Variants in MALRD1 observed in about 807,000 individuals in gnomAD.
MALRD1 encodes MAM and LDL receptor class A domain containing 1.
In MALRD1, 247 loss-of-function variants were observed where a neutral mutation model predicts 242.1. The ratio of observed to expected loss-of-function variants is 1.02; its 90% CI spans 0.92 to 1.13. The LOEUF is 1.13. Among genes scored for constraint, MALRD1 ranks in the 50% most tolerant of loss-of-function variants. The pLI, the probability that MALRD1 is intolerant of heterozygous loss-of-function variation, is 0.00. For missense variants in MALRD1, 2,989 were observed against 2,533.1 expected, an observed-to-expected ratio of 1.18 and a Z score of -3.86; for synonymous variants, 995 against 866.6, an observed-to-expected ratio of 1.15 and a Z score of -2.60.
rs1588694784 is a variant in MALRD1, at chr10:19,204,927, C to A, written c.2240C>A (p.Ala747Glu). The A allele has an allele frequency of 1.3e-6, 2 of 1,549,714 alleles. No individual in the cohort carries two copies. The highest frequency in any genetic ancestry group is 2.7e-5 in the African/African-American group (2 of 73,126). ...TATAACTATGGCCTGTCAGTGGGAG[C>A]AGCTGAGCTGCAGCTACATATGGAA... ...WFYNYGLSVGAAELQLHMENS... is the reference protein window; with the variant it reads ...WFYNYGLSVGEAELQLHMENS... The change falls in exon 17 of 40, where the codon GCA becomes GAA. Residue 747 changes from alanine (A) to glutamate (E), a missense_variant. By Grantham distance (107) the Ala-to-Glu change is moderately radical (BLOSUM62 -1). Transcript: ENST00000454679.
At chr10:19,256,548 T>C (rs1318425330) in intron 18 of MALRD1, among the ~76,000 whole-genome samples, 1 of 152,102 alleles carries the variant, frequency 6.6e-6, no homozygotes, top group Non-Finnish European at 1.5e-5. Flanking sequence ...TTAAATGTTG[T>C]TCAAACAATG....
intron 36 of MALRD1, among the ~76,000 whole-genome samples, chr10:19,689,125 C>T (rs10740937): frequency 0.9 from 137,572 of 152,246 alleles, 62,426 homozygotes; most frequent in Non-Finnish European, 0.95. Flanking sequence ...AGACATCTGA[C>T]CTTAAGAAAG....
intron 31 of MALRD1, among the ~76,000 whole-genome samples, chr10:19,516,760 C>T (rs1044789774): frequency 6.9e-6 from 1 of 145,772 alleles, no homozygotes; most frequent in Admixed American, 6.9e-5. Flanking sequence ...TTTCTCTTCC[C>T]CTTCACCTTC....
intron 18 of MALRD1, among the ~76,000 whole-genome samples, chr10:19,228,153 T>C: frequency 6.6e-6 from 1 of 152,200 alleles, no homozygotes; most frequent in Non-Finnish European, 1.5e-5. Flanking sequence ...TTGAAGTTCA[T>C]AGCAGATGTG....
chr10:19,206,488 TA>T (rs1362740655), intron 17 of MALRD1, among the ~76,000 whole-genome samples: 1 of 152,172 alleles, frequency 6.6e-6, no homozygotes, highest in African/African-American at 2.4e-5. Context: ...TCCCACTCAT[TA>T]AAAAATGTCA....
intron 5 of MALRD1, among the ~76,000 whole-genome samples, chr10:19,122,150 C>T (rs564030906): frequency 1.3e-5 from 2 of 152,000 alleles, no homozygotes; most frequent in African/African-American, 4.8e-5. Context: ...TGTCTGACAT[C>T]TCTAATAAAG....
At chr10:19,409,966 G>C (rs1833205383) in intron 28 of MALRD1, among the ~76,000 whole-genome samples, 2 of 151,922 alleles carry the variant, frequency 1.3e-5, no homozygotes, top group African/African-American at 4.8e-5. Flanking sequence ...ATAATATGTG[G>C]TGATCATGAC....
intron 11 of MALRD1, among the ~76,000 whole-genome samples, chr10:19,149,217 G>A (rs1200668533): frequency 6.6e-6 from 1 of 152,032 alleles, no homozygotes; most frequent in Non-Finnish European, 1.5e-5. Flanking sequence ...CCAGGTTCAA[G>A]CAATTCTCCT....
intron 29 of MALRD1, among the ~76,000 whole-genome samples, chr10:19,477,446 T>C (rs894561508): frequency 6.7e-6 from 1 of 148,444 alleles, no homozygotes; most frequent in Non-Finnish European, 1.5e-5. Flanking sequence ...TCTGCTACTC[T>C]AGAGTAGTTG....
intron 29 of MALRD1, among the ~76,000 whole-genome samples, chr10:19,476,706 A>G (rs889701664): frequency 6.6e-6 from 1 of 152,158 alleles, no homozygotes; most frequent in Non-Finnish European, 1.5e-5. Context: ...CAGGATATAC[A>G]TTCATTTTGT....
chr10:19,068,748 A>C (rs952939551), intron 2 of MALRD1, among the ~76,000 whole-genome samples: 71 of 152,112 alleles, frequency 4.7e-4, no homozygotes, highest in African/African-American at 1.7e-3. Flanking sequence ...TTTACTCAAA[A>C]ATTCTCATTT....
At chr10:19,625,803 C>A (rs1839627280) in intron 36 of MALRD1, among the ~76,000 whole-genome samples, 1 of 152,056 alleles carries the variant, frequency 6.6e-6, no homozygotes, top group Admixed American at 6.6e-5. Flanking sequence ...AATCTGTTTG[C>A]CAATTGCATA....
intron 26 of MALRD1, among the ~76,000 whole-genome samples, chr10:19,384,706 A>G (rs1376548105): frequency 2.1e-5 from 3 of 139,950 alleles, no homozygotes; most frequent in Non-Finnish European, 4.6e-5. Flanking sequence ...ATTATACTAT[A>G]TAATATATAT....
chr10:19,187,438 T>G (rs1835788276), intron 14 of MALRD1, among the ~76,000 whole-genome samples: 1 of 152,094 alleles, frequency 6.6e-6, no homozygotes, highest in African/African-American at 2.4e-5. Context: ...AGCTTTGAGA[T>G]ATCTCAAAAG....
intron 26 of MALRD1, among the ~76,000 whole-genome samples, chr10:19,382,528 CTG>C (rs1845882549): frequency 1.3e-5 from 2 of 151,738 alleles, no homozygotes; most frequent in Non-Finnish European, 1.5e-5. Flanking sequence ...TTTAGTAACT[CTG>C]TGATTTTTAT....
intron 18 of MALRD1, among the ~76,000 whole-genome samples, chr10:19,256,274 G>A (rs778450243): frequency 1.3e-5 from 2 of 151,946 alleles, no homozygotes; most frequent in Admixed American, 1.3e-4. Flanking sequence ...ATTCATATTT[G>A]TGCCTTTTCC....
chr10:19,634,637 A>G (rs984927793), intron 36 of MALRD1, among the ~76,000 whole-genome samples: 2 of 152,194 alleles, frequency 1.3e-5, no homozygotes, highest in African/African-American at 2.4e-5. Flanking sequence ...AAAGGAAAAA[A>G]TACACATGGG....
chr10:19,731,840 TC>T (rs1835309435), intron 39 of MALRD1, among the ~76,000 whole-genome samples: 1 of 152,178 alleles, frequency 6.6e-6, no homozygotes, highest in African/African-American at 2.4e-5. Context: ...TTTTAATTAT[TC>T]TCTTTCTTTA....
chr10:19,613,056 CT>C (rs11299593), intron 35 of MALRD1, among the ~76,000 whole-genome samples: 9,431 of 152,014 alleles, frequency 0.062, 949 homozygotes, highest in African/African-American at 0.21. Context: ...TCTCACTATC[CT>C]TCATGATTAT....
Sources: allele counts gnomAD v4.1 joint callset (sites outside exome capture counted in the v4.1 genomes callset), GRCh38; gene constraint gnomAD v4.1.1; transcripts MANE v1.5; gene names NCBI Gene and HGNC (gene_info 2026-07-23, HGNC 2026-07-21).